Variants in BCL2L11 observed in about 807,000 individuals in gnomAD.
BCL2L11 encodes the protein bcl-2-like protein 11.
A neutral mutation model predicts 20.6 loss-of-function variants in BCL2L11; 15 were observed. The observed-to-expected ratio is 0.73, with a 90% CI of 0.49 to 1.12. The LOEUF (loss-of-function observed/expected upper bound fraction) is 1.12, where lower values mean the gene tolerates loss of function less well. BCL2L11 is among the 50% of genes most tolerant of loss of function. The pLI is 0.00. For synonymous variants in BCL2L11, 108 were observed against 92.8 expected (o/e 1.16, Z -0.94); for missense variants, 292 against 260.9 (o/e 1.12, Z -0.82).
intron 3 of BCL2L11, chr2:111,150,378 G>A: frequency 1.4e-6 from 1 of 718,562 alleles, no homozygotes; most frequent in Non-Finnish European, 2.1e-6. Context: ...AATTTTATGA[G>A]CACAGACTTT....
At chr2:111,123,161 GGAGAGAGCGCCAGAGCCGGGCC>G in intron 1 of BCL2L11, 4 of 985,446 alleles carry the variant, frequency 4.1e-6, no homozygotes, top group Non-Finnish European at 4.8e-6. Flanking sequence ...GAGCACGGGC[GGAGAGAGCGCCAGAGCCGGGCC>G]GAGCCGCGCT....
Position 111,164,214 on chromosome 2 carries a change from G to C in BCL2L11, c.580G>C (p.Val194Leu), listed in dbSNP as rs780678885. 4.3e-6 allele frequency: 7 copies of C among 1,611,734 alleles called. No homozygotes were observed. Among genetic ancestry groups the C allele is most frequent in the Admixed American group, 1.7e-5 (1 of 60,014 alleles). The change falls in exon 4 of 4, where the codon GTG (valine) becomes CTG (leucine). Residue 194 changes from valine (V) to leucine (L), a missense_variant. Transcript: ENST00000393256. The stretch of plus-strand genomic sequence containing the variant: ...ACTGTTACGTTACATTGTCCGCCTG[G>C]TGTGGAGAATGCATTGACAGGTTCT... Reference protein sequence around the residue: ...LRLLRYIVRLVWRMH With the variant: ...LRLLRYIVRLLWRMH
intron 2 of BCL2L11, chr2:111,145,881 C>A: frequency 1.2e-6 from 1 of 836,264 alleles, no homozygotes; most frequent in Non-Finnish European, 1.4e-6. Flanking sequence ...TTGCTTATAT[C>A]TGACATATTG....
chr2:111,145,950 A>G (rs3761705), intron 2 of BCL2L11: 277,077 of 936,556 alleles, frequency 0.3, 42,170 homozygotes, highest in Non-Finnish European at 0.31. Flanking sequence ...TGTAACAAGT[A>G]AAGAGAAAGA....
chr2:111,132,945 T>A (rs1458294214), intron 2 of BCL2L11, among the ~76,000 whole-genome samples: 1 of 152,216 alleles, frequency 6.6e-6, no homozygotes, highest in African/African-American at 2.4e-5. Context: ...AAATAACCCA[T>A]GTCTCCAATT....
intron 2 of BCL2L11, among the ~76,000 whole-genome samples, chr2:111,140,687 G>C (rs1382056012): frequency 2.0e-5 from 3 of 152,186 alleles, no homozygotes; most frequent in African/African-American, 7.2e-5. Context: ...GTAGTCTATA[G>C]TGAATTCTGA....
At chr2:111,164,071 T>TCCC in intron 3 of BCL2L11, 62 bp from the exon 4 acceptor site, 1 of 664,736 alleles carries the variant, frequency 1.5e-6, no homozygotes, top group Admixed American at 1.8e-5. Context: ...AAATATGGGC[T>TCCC]CCCACCCCTC....
intron 2 of BCL2L11, among the ~76,000 whole-genome samples, chr2:111,137,417 T>G (rs1017052867): frequency 6.6e-6 from 1 of 152,190 alleles, no homozygotes; most frequent in African/African-American, 2.4e-5. Flanking sequence ...GTGGTGACAT[T>G]TCTAGCCTAA....
At chr2:111,148,747 G>C (rs2076885471) in intron 2 of BCL2L11, among the ~76,000 whole-genome samples, 2 of 152,194 alleles carry the variant, frequency 1.3e-5, no homozygotes. Context: ...CCCCACAGGG[G>C]TGGTGTGATA....
At chr2:111,154,454 A>AACC (rs756844982) in intron 3 of BCL2L11, among the ~76,000 whole-genome samples, 2 of 152,148 alleles carry the variant, frequency 1.3e-5, no homozygotes, top group African/African-American at 2.4e-5. Context: ...GTTAATTTGG[A>AACC]ACCGTTCCTC....
intron 2 of BCL2L11, 110 bp downstream of exon 2, chr2:111,124,249 CA>C: frequency 7.7e-7 from 1 of 1,292,100 alleles, no homozygotes; most frequent in Non-Finnish European, 1.1e-6. Context: ...TGATTTATTC[CA>C]TCTTTAGATG....
intron 2 of BCL2L11, chr2:111,144,405 C>T: frequency 7.0e-7 from 1 of 1,420,996 alleles, no homozygotes; most frequent in Non-Finnish European, 9.7e-7. Flanking sequence ...TTTCTGAGAA[C>T]CGTCAGAGTT....
At position 111,152,601 on chromosome 2, in the gene BCL2L11, C is replaced by T. The variant is rs1176700245; in HGVS notation, c.498+2454C>T. Among the ~76,000 whole-genome samples, 5 of 152,162 alleles carry T rather than the reference C, an allele frequency of 3.3e-5. No homozygotes were observed. In the East Asian group the frequency reaches 9.6e-4, roughly 29 times the overall value. On this transcript the variant is annotated intron_variant, in intron 3 of 3. Coordinates refer to ENST00000393256, the MANE Select transcript of BCL2L11 (RefSeq NM_138621.5). ...GGCTGGCATGGGGACTGGAGTGCAT[C>T]CCAGTCCCCGGCCATCCTCTTGTGA...
intron 2 of BCL2L11, among the ~76,000 whole-genome samples, chr2:111,143,826 A>G (rs1235630979): frequency 6.6e-6 from 1 of 152,202 alleles, no homozygotes; most frequent in African/African-American, 2.4e-5. Context: ...GACATGGATA[A>G]TTAGTTTTTC....
chr2:111,160,658 A>T (rs2078442092), intron 3 of BCL2L11, among the ~76,000 whole-genome samples: 3 of 152,128 alleles, frequency 2.0e-5, no homozygotes, highest in Non-Finnish European at 4.4e-5. Flanking sequence ...TGCACTTGTG[A>T]TTGTGTGTAT....
chr2:111,136,560 TACAAACA>T (rs967049270), intron 2 of BCL2L11, among the ~76,000 whole-genome samples: 1 of 152,204 alleles, frequency 6.6e-6, no homozygotes, highest in Non-Finnish European at 1.5e-5. Flanking sequence ...CTGGGTGGCT[TACAAACA>T]ACAGAAGTTT....
At position 111,124,078 on chromosome 2, in the gene BCL2L11, C is replaced by T. The variant is rs763089705; in HGVS notation, c.333C>T (p.Asp111=). ...TDRSPAPMSC[D]KSTQTPSPPC... is the part of the protein sequence containing the mutation. ...GGAGCCCAGCACCCATGAGTTGTGACAAATCAACACAAACCCCAAGTCCTC... is the reference window on the plus strand; with the variant it reads ...GGAGCCCAGCACCCATGAGTTGTGATAAATCAACACAAACCCCAAGTCCTC... Residue 111 remains aspartate, a synonymous_variant, in exon 2 of 4, where the codon GAC becomes GAT. Coordinates refer to ENST00000393256, the MANE Select transcript of BCL2L11 (RefSeq NM_138621.5). 7 of 1,614,042 alleles carry T rather than the reference C, an allele frequency of 4.3e-6. No homozygotes were observed. The highest frequency in any genetic ancestry group is 5.9e-6 in the Non-Finnish European group (7 of 1,180,006).
At chr2:111,143,537 A>G (rs1023686071) in intron 2 of BCL2L11, among the ~76,000 whole-genome samples, 6 of 152,308 alleles carry the variant, frequency 3.9e-5, no homozygotes, top group African/African-American at 9.6e-5. Context: ...GAACATTTCA[A>G]TTCCCTACGA....
In BCL2L11 at chr2:111,132,591, C is replaced by T. The variant is rs2150335021; in HGVS notation, c.394+8452C>T. On this transcript the variant is annotated intron_variant, in intron 2 of 3. Coordinates refer to ENST00000393256, the MANE Select transcript of BCL2L11 (RefSeq NM_138621.5). ...AAGTGCAACAAGAATAGTGATTGGC[C>T]ATATAGGCTCTTTTTAAGTTGGCTT... 3.3e-5 allele frequency among the ~76,000 whole-genome samples: 5 copies of T among 152,254 alleles called. 2 individuals carry two copies. The highest frequency in any genetic ancestry group is 3.3e-4 in the Admixed American group (5 of 15,298).
Sources: gnomAD v4.1 joint callset for allele counts (sites outside exome capture counted in the v4.1 genomes callset) on GRCh38, gnomAD v4.1.1 for gene constraint, MANE v1.5 for transcripts, NCBI Gene and HGNC (gene_info 2026-07-23, HGNC 2026-07-21) for gene names.